CLUL1: variants seen among roughly 807,000 people sequenced by gnomAD.
CLUL1 encodes the protein clusterin like 1, also known as clusterin-like protein 1.
In CLUL1, 43 loss-of-function variants were observed where a neutral mutation model predicts 49.4. The ratio of observed to expected loss-of-function variants is 0.87; its 90% CI spans 0.68 to 1.12. CLUL1 has a LOEUF of 1.12. Among genes scored for constraint, CLUL1 ranks in the 50% most tolerant of loss-of-function variants. The pLI is 0.00. For synonymous variants in CLUL1, 192 were observed against 184.9 expected (o/e 1.04, Z -0.31); for missense variants, 486 against 544.4 (o/e 0.89, Z 1.07).
At chr18:639,282 T>A (rs958102150) in intron 7 of CLUL1, among the ~76,000 whole-genome samples, 15 of 150,018 alleles carry the variant, frequency 1.0e-4, no homozygotes, top group African/African-American at 3.4e-4. Context: ...AAAAAAAATA[T>A]TAGCTGGTCA....
At chr18:638,219 A>G (rs2074214080) in intron 7 of CLUL1, among the ~76,000 whole-genome samples, 1 of 152,236 alleles carries the variant, frequency 6.6e-6, no homozygotes, top group African/African-American at 2.4e-5. Flanking sequence ...ATAGGTTTTT[A>G]TAACAGAAAA....
At chr18:600,197 CCT>C (rs947764457) in intron 1 of CLUL1, among the ~76,000 whole-genome samples, 1 of 147,742 alleles carries the variant, frequency 6.8e-6, no homozygotes, top group Non-Finnish European at 1.5e-5. Flanking sequence ...AATCCATTTG[CCT>C]TTTTTTCCCT....
intron 2 of CLUL1, among the ~76,000 whole-genome samples, chr18:616,201 G>T (rs1284082145): frequency 6.6e-6 from 1 of 152,066 alleles, no homozygotes; most frequent in Non-Finnish European, 1.5e-5. Flanking sequence ...ATTACGGTGG[G>T]TCTAAAATAC....
chr18:628,882 C>G (rs2073900624), intron 6 of CLUL1, among the ~76,000 whole-genome samples: 1 of 152,090 alleles, frequency 6.6e-6, no homozygotes, highest in Admixed American at 6.5e-5. Context: ...ATCTGCTCAC[C>G]TTGGCTTCCC....
At chr18:608,480 A>G (rs11664730) in intron 2 of CLUL1, among the ~76,000 whole-genome samples, 4,455 of 150,720 alleles carry the variant, frequency 0.03, 92 homozygotes, top group Middle Eastern at 0.041. Flanking sequence ...GAAAAGTCAT[A>G]TTAATTCACA....
chr18:623,064 C>T (rs1439157409), intron 4 of CLUL1, among the ~76,000 whole-genome samples: 7 of 140,396 alleles, frequency 5.0e-5, no homozygotes, highest in Non-Finnish European at 9.1e-5. Context: ...CAGAGTCTTA[C>T]TCTTGTTGCC....
intron 7 of CLUL1, among the ~76,000 whole-genome samples, chr18:635,338 C>T (rs750510071): frequency 6.6e-6 from 1 of 151,998 alleles, no homozygotes; most frequent in Non-Finnish European, 1.5e-5. Context: ...TTTGTGCTCC[C>T]GTGAGAATGG....
At chr18:619,740 G>C (rs7240990) in intron 4 of CLUL1, among the ~76,000 whole-genome samples, 57,116 of 151,510 alleles carry the variant, frequency 0.38, 11,225 homozygotes, top group East Asian at 0.53. Flanking sequence ...CTGTTTTTGA[G>C]ACAGAGTCTC....
intron 9 of CLUL1, among the ~76,000 whole-genome samples, chr18:647,055 TC>T (rs2074528592): frequency 2.0e-5 from 3 of 152,120 alleles, no homozygotes; most frequent in African/African-American, 7.2e-5. Context: ...TGGCCTCCTC[TC>T]CCTTTCTTAA....
At chr18:604,081 A>G (rs1598408019) in intron 1 of CLUL1, among the ~76,000 whole-genome samples, 1 of 152,246 alleles carries the variant, frequency 6.6e-6, no homozygotes, top group African/African-American at 2.4e-5. Flanking sequence ...GGGTTTCACC[A>G]TTTTGCCTAG....
At chr18:600,536 G>A (rs2143912304) in intron 1 of CLUL1, among the ~76,000 whole-genome samples, 1 of 130,706 alleles carries the variant, frequency 7.7e-6, no homozygotes, top group South Asian at 2.5e-4. Context: ...TTACAGAGAA[G>A]AAGGCTTGGC....
chr18:624,047 G>T (rs1177513183), intron 4 of CLUL1, among the ~76,000 whole-genome samples: 1 of 152,120 alleles, frequency 6.6e-6, no homozygotes, highest in Non-Finnish European at 1.5e-5. Flanking sequence ...AGAGGTTTGG[G>T]CAGGGGCACA....
intron 2 of CLUL1, among the ~76,000 whole-genome samples, chr18:609,873 G>A (rs1054664334): frequency 2.0e-5 from 3 of 150,566 alleles, no homozygotes; most frequent in Non-Finnish European, 2.9e-5. Flanking sequence ...TTGGATTTTG[G>A]ATTTTGCATT....
intron 9 of CLUL1, among the ~76,000 whole-genome samples, chr18:645,634 A>C (rs1364304847): frequency 6.6e-6 from 1 of 150,512 alleles, no homozygotes; most frequent in African/African-American, 2.4e-5. Context: ...TCTCTACTAA[A>C]ATAAAAAAAA....
Position 599,670 on chromosome 18 carries a change from C to T in CLUL1, c.-136+2541C>T, listed in dbSNP as rs142556093. On this transcript the variant is annotated intron_variant, in intron 1 of 9. Coordinates refer to ENST00000692774, the MANE Select transcript of CLUL1 (RefSeq NM_001393344.1). ...ATAATTGGCCAGGTGCGGTGGTTCA[C>T]GCCTGTAATCCCAGCACTTTGGGAA... is the stretch of plus-strand genomic sequence containing the variant. 6.7e-3 allele frequency among the ~76,000 whole-genome samples: 1,026 copies of T among 152,192 alleles called. 10 individuals carry two copies. Among genetic ancestry groups the T allele is most frequent in the African/African-American group, 0.023 (972 of 41,524 alleles).
chr18:648,479 A>G (rs1321392732), intron 9 of CLUL1, among the ~76,000 whole-genome samples: 2 of 152,090 alleles, frequency 1.3e-5, no homozygotes, highest in Non-Finnish European at 2.9e-5. Context: ...TAACACAACC[A>G]CTATTATCAT....
At chr18:633,511 A>G in intron 7 of CLUL1, 76 bp downstream of exon 7, 1 of 1,270,684 alleles carries the variant, frequency 7.9e-7, no homozygotes. Flanking sequence ...TCGGTGCCAC[A>G]AAAGAAATAG....
intron 2 of CLUL1, among the ~76,000 whole-genome samples, chr18:617,231 T>C (rs888904084): frequency 6.6e-6 from 1 of 152,148 alleles, no homozygotes; most frequent in Non-Finnish European, 1.5e-5. Context: ...AAAATGTGTG[T>C]GGTTGGTTTT....
intron 7 of CLUL1, among the ~76,000 whole-genome samples, chr18:639,536 C>A (rs772478530): frequency 4.6e-5 from 7 of 150,718 alleles, no homozygotes; most frequent in African/African-American, 1.5e-4. Flanking sequence ...GAGGCCAAGG[C>A]GGGCAATCAC....
Sources: allele counts gnomAD v4.1 joint callset (sites outside exome capture counted in the v4.1 genomes callset), GRCh38; gene constraint gnomAD v4.1.1; transcripts MANE v1.5; gene names NCBI Gene and HGNC (gene_info 2026-07-23, HGNC 2026-07-21).